Variants in LIN52 observed in about 807,000 individuals in gnomAD.
The protein encoded by LIN52 is lin-52 DREAM MuvB core complex component.
In LIN52, 4 loss-of-function variants were observed where a neutral mutation model predicts 18.5. The ratio of observed to expected loss-of-function variants is 0.22; its 90% confidence interval spans 0.11 to 0.49. The LOEUF is 0.49. Among genes scored for constraint, LIN52 ranks in the 20% least tolerant of loss-of-function variants. The probability of loss-of-function intolerance (pLI) is 0.97; values close to 1 mark genes in which losing one functional copy is unlikely to be tolerated. For synonymous variants in LIN52, 34 were observed against 45.5 expected, an observed-to-expected ratio of 0.75 and a Z score of 1.02; for missense variants, 102 against 139.5, an observed-to-expected ratio of 0.73 and a Z score of 1.35.
chr14:74,088,029 CA>C (rs1566842028), intron 1 of LIN52, among the ~76,000 whole-genome samples: 1 of 152,192 alleles, frequency 6.6e-6, no homozygotes, highest in East Asian at 1.9e-4. Flanking sequence ...TCTCCCATCT[CA>C]GCCTCCTAAG....
At chr14:74,169,672 G>A (rs575674562) in intron 5 of LIN52, among the ~76,000 whole-genome samples, 2 of 152,312 alleles carry the variant, frequency 1.3e-5, no homozygotes, top group South Asian at 4.1e-4. Flanking sequence ...ATAGTTCAAT[G>A]TATTTGAAGA....
At chr14:74,108,471 T>C (rs375451055) in intron 5 of LIN52, among the ~76,000 whole-genome samples, 2 of 152,258 alleles carry the variant, frequency 1.3e-5, no homozygotes, top group Non-Finnish European at 2.9e-5. Context: ...TTTTCCAAAC[T>C]AGCTGAACCA....
intron 5 of LIN52, among the ~76,000 whole-genome samples, chr14:74,198,700 A>G (rs539522730): frequency 1.3e-5 from 2 of 152,312 alleles, no homozygotes; most frequent in East Asian, 3.9e-4. Context: ...GTCATTTGGC[A>G]TGTATCTCAA....
intron 5 of LIN52, among the ~76,000 whole-genome samples, chr14:74,193,420 A>T (rs2078892543): frequency 6.7e-6 from 1 of 149,216 alleles, no homozygotes; most frequent in Admixed American, 6.7e-5. Flanking sequence ...TCTCTTATAA[A>T]AAAAAAAAAA....
intron 5 of LIN52, among the ~76,000 whole-genome samples, chr14:74,139,964 G>T (rs975937636): frequency 2.6e-5 from 4 of 152,060 alleles, no homozygotes; most frequent in African/African-American, 9.7e-5. Context: ...AATAAAACAT[G>T]CTTCATAGCT....
intron 4 of LIN52, 117 bp downstream of exon 4, chr14:74,097,977 A>T: frequency 1.5e-6 from 1 of 685,392 alleles, no homozygotes; most frequent in South Asian, 1.8e-5. Flanking sequence ...TCTCATTTAA[A>T]CCTCCTTATT....
intron 5 of LIN52, among the ~76,000 whole-genome samples, chr14:74,186,763 C>T (rs1451736442): frequency 2.0e-5 from 3 of 151,742 alleles, no homozygotes; most frequent in Non-Finnish European, 2.9e-5. Context: ...TTTGGGAGGC[C>T]GAGGCAGGCG....
At chr14:74,119,406 C>T (rs1389219973) in intron 5 of LIN52, among the ~76,000 whole-genome samples, 3 of 152,010 alleles carry the variant, frequency 2.0e-5, no homozygotes, top group African/African-American at 4.8e-5. Flanking sequence ...CCTCGTGATC[C>T]GCCCGCCTTG....
chr14:74,119,838 T>A (rs931384288), intron 5 of LIN52, among the ~76,000 whole-genome samples: 1 of 144,498 alleles, frequency 6.9e-6, no homozygotes, highest in Non-Finnish European at 1.5e-5. Context: ...GGATTATTCT[T>A]TTTTTTTTTT....
chr14:74,162,522 A>G (rs1392815478), intron 5 of LIN52, among the ~76,000 whole-genome samples: 2 of 149,918 alleles, frequency 1.3e-5, no homozygotes, highest in African/African-American at 4.9e-5. Context: ...TCTTAGCCAC[A>G]TTGAATTTTC....
rs543503099 is a variant in LIN52, at chr14:74,119,160, CTT to C, written c.283+17940_283+17941del. ...TTTTTTTGGTACATGGATTTTCTTTCTTTTTTTTTTTTTTTTTTTGAGACAGA... is the reference window on the plus strand; with the variant it reads ...TTTTTTTGGTACATGGATTTTCTTTCTTTTTTTTTTTTTTTTTGAGACAGA... On this transcript the variant is annotated intron_variant, in intron 5 of 5. Coordinates refer to ENST00000555028, the MANE Select transcript of LIN52 (RefSeq NM_001024674.3). Among the ~76,000 whole-genome samples the C allele has an allele frequency of 3.2e-3, 372 of 115,410 alleles. 2 individuals are homozygous for C. The highest frequency in any genetic ancestry group is 0.01 in the African/African-American group (309 of 30,250). 75.7% of individuals were successfully genotyped at this position (115,410 alleles called of 152,430 possible).
intron 5 of LIN52, among the ~76,000 whole-genome samples, chr14:74,156,053 C>T (rs2061197838): frequency 6.6e-6 from 1 of 152,046 alleles, no homozygotes; most frequent in African/African-American, 2.4e-5. Flanking sequence ...TACAGCCAAG[C>T]AAGAAAAGGG....
intron 5 of LIN52, among the ~76,000 whole-genome samples, chr14:74,116,719 A>AG (rs909021600): frequency 6.6e-6 from 1 of 151,816 alleles, no homozygotes; most frequent in African/African-American, 2.4e-5. Flanking sequence ...TAAAAAAAAA[A>AG]AAAAGAAAAG....
At chr14:74,186,898 G>T (rs1288288465) in intron 5 of LIN52, among the ~76,000 whole-genome samples, 2 of 152,146 alleles carry the variant, frequency 1.3e-5, no homozygotes, top group Non-Finnish European at 1.5e-5. Context: ...GGCCAACATG[G>T]TGAAACCCCA....
intron 3 of LIN52, among the ~76,000 whole-genome samples, chr14:74,097,425 C>CTTTTTTTTTTTTT (rs35249058): frequency 7.5e-6 from 1 of 133,578 alleles, no homozygotes; most frequent in Non-Finnish European, 1.6e-5. Context: ...TTTTCTTTTT[C>CTTTTTTTTTTTTT]TTTTTTTTTT....
intron 5 of LIN52, among the ~76,000 whole-genome samples, chr14:74,159,685 C>T (rs999290105): frequency 3.9e-5 from 6 of 152,010 alleles, no homozygotes; most frequent in Admixed American, 2.0e-4. Context: ...AATTCTCCCA[C>T]CTCAGCCTCC....
At chr14:74,197,041 C>T (rs1325510496) in intron 5 of LIN52, among the ~76,000 whole-genome samples, 3 of 152,174 alleles carry the variant, frequency 2.0e-5, no homozygotes, top group African/African-American at 7.2e-5. Flanking sequence ...CCCAGTCTCT[C>T]CATGAACTTG....
intron 5 of LIN52, among the ~76,000 whole-genome samples, chr14:74,109,208 G>T (rs1163261130): frequency 6.6e-6 from 1 of 152,186 alleles, no homozygotes; most frequent in African/African-American, 2.4e-5. Flanking sequence ...TGGCAGCCAG[G>T]CATGGTGGCT....
chr14:74,127,863 C>T (rs921401862), intron 5 of LIN52, among the ~76,000 whole-genome samples: 1 of 151,992 alleles, frequency 6.6e-6, no homozygotes, highest in African/African-American at 2.4e-5. Context: ...AGGCATGAAC[C>T]ACCACGCCTG....
Sources: gnomAD v4.1 joint callset for allele counts (sites outside exome capture counted in the v4.1 genomes callset) on GRCh38, gnomAD v4.1.1 for gene constraint, MANE v1.5 for transcripts, NCBI Gene and HGNC (gene_info 2026-07-23, HGNC 2026-07-21) for gene names.